The following FITM2 variants were observed in gnomAD, a reference collection of about 807,000 sequenced individuals.
FITM2 encodes the protein fat storage inducing transmembrane protein 2.
Under a neutral mutation model 23.3 loss-of-function variants are expected in FITM2, and 16 were observed. The observed-to-expected ratio is 0.69, with a 90% CI of 0.47 to 1.05. FITM2 has a LOEUF of 1.05. FITM2 is among the 50% of genes least tolerant of loss of function. The probability of loss-of-function intolerance (pLI) is 0.00; values close to 1 mark genes in which losing one functional copy is unlikely to be tolerated. For missense variants in FITM2, 273 were observed against 327.5 expected (o/e 0.83, Z 1.29); for synonymous variants, 132 against 142.0 (o/e 0.93, Z 0.50).
At chr20:44,308,787 C>A (rs2062697337) in intron 1 of FITM2, among the ~76,000 whole-genome samples, 1 of 152,130 alleles carries the variant, frequency 6.6e-6, no homozygotes, top group Non-Finnish European at 1.5e-5. Flanking sequence ...AAGCAATTAT[C>A]CTGCCTCAGC....
At chr20:44,307,470 G>A (rs2062693929) in intron 1 of FITM2, among the ~76,000 whole-genome samples, 1 of 151,692 alleles carries the variant, frequency 6.6e-6, no homozygotes, top group African/African-American at 2.4e-5. Flanking sequence ...CTGTCACTCG[G>A]GCTGGAGTGC....
chr20:44,309,967 A>G (rs2062700521), intron 1 of FITM2, among the ~76,000 whole-genome samples: 1 of 152,220 alleles, frequency 6.6e-6, no homozygotes, highest in Admixed American at 6.5e-5. Context: ...GACCAAGGAC[A>G]GAAGGACTTT....
In FITM2 at chr20:44,306,394, C is replaced by T; in HGVS notation, c.*231G>A. 1 of 485,494 alleles carries T rather than the reference C, an allele frequency of 2.1e-6. No individual in the cohort carries two copies. Among genetic ancestry groups the T allele is most frequent in the South Asian group, 2.1e-5 (1 of 47,288 alleles). The allele number at this position is 485,494 out of a possible 1,614,324, so 30.1% of individuals were successfully genotyped here. ...TGTTCCAGATAAAGGTCAAGTCTTA[C>T]CAGGGACAAAAAGTGCCTAACTGGG... On this transcript the variant is annotated 3_prime_UTR_variant, in exon 2 of 2. Coordinates refer to ENST00000396825, the MANE Select transcript of FITM2 (RefSeq NM_001080472.4).
In FITM2 at chr20:44,306,571, T is replaced by C; in HGVS notation, c.*54A>G. On this transcript the variant is annotated 3_prime_UTR_variant, in exon 2 of 2. Transcript: ENST00000396825. ...TTTAGCCAAATAACTAAGCAAAATATATATTTGAAAAATAGATTAGCCATT... is the reference window on the plus strand; with the variant it reads ...TTTAGCCAAATAACTAAGCAAAATACATATTTGAAAAATAGATTAGCCATT... The C allele has an allele frequency of 6.3e-7, 1 of 1,576,500 alleles. No individual in the cohort carries two copies. The highest frequency in any genetic ancestry group is 1.8e-4 in the Middle Eastern group (1 of 5,686).
At chr20:44,310,730 G>A (rs1483974728) in intron 1 of FITM2, among the ~76,000 whole-genome samples, 1 of 152,146 alleles carries the variant, frequency 6.6e-6, no homozygotes, top group Non-Finnish European at 1.5e-5. Context: ...ACACGACCCC[G>A]CTTGTCACCA....
intron 1 of FITM2, among the ~76,000 whole-genome samples, chr20:44,310,583 G>C (rs77781615): frequency 0.031 from 4,773 of 152,262 alleles, 235 homozygotes; most frequent in African/African-American, 0.11. Context: ...TCTGCCACAG[G>C]CAGGCAGGAC....
chr20:44,303,558 T>C lies in FITM2; in HGVS notation c.*3067A>G, dbSNP rs1278374520. 1 of 152,148 alleles carries C rather than the reference T, an allele frequency of 6.6e-6. No individual in the cohort carries two copies. Among genetic ancestry groups the C allele is most frequent in the Non-Finnish European group, 1.5e-5 (1 of 68,028 alleles). The allele number at this position is 152,148 out of a possible 1,614,324, so 9.4% of individuals were successfully genotyped here. On this transcript the variant is annotated 3_prime_UTR_variant, in exon 2 of 2. Transcript: ENST00000396825. ...TGGGATAAATATCTGGAGATTTAAG[T>C]GTCACAAATGAACTTCTGGGGTCAC...
Position 44,306,366 on chromosome 20 carries a change from G to C in FITM2, c.*259C>G. 2.4e-6 allele frequency: 1 copy of C among 416,884 alleles called. No homozygotes were observed. Among genetic ancestry groups the C allele is most frequent in the Non-Finnish European group, 4.5e-6 (1 of 224,580 alleles). The allele number at this position is 416,884 out of a possible 1,614,324, so 25.8% of individuals were successfully genotyped here. On this transcript the variant is annotated 3_prime_UTR_variant, in exon 2 of 2. Coordinates refer to ENST00000396825, the MANE Select transcript of FITM2 (RefSeq NM_001080472.4). ...TAGGTCCCCACTCTAGGGACAAAAG[G>C]AGTGTTCCAGATAAAGGTCAAGTCT...
In FITM2 at chr20:44,311,150, C is replaced by G. The variant is rs140366349; in HGVS notation, c.-2G>C. 6.2e-7 allele frequency: 1 copy of G among 1,610,294 alleles called. No individual in the cohort carries two copies. ...CTCGCAGCGCTCCAGATGCTCCATGCCGGATCTCGTCAGCCACCGTCCTCC... is the reference window on the plus strand; with the variant it reads ...CTCGCAGCGCTCCAGATGCTCCATGGCGGATCTCGTCAGCCACCGTCCTCC... On this transcript the variant is annotated 5_prime_UTR_variant, in exon 1 of 2. Transcript: ENST00000396825.
Position 44,311,053 on chromosome 20 carries a change from C to T in FITM2, c.96G>A (p.Met32Ile), listed in dbSNP as rs148377517. 20,974 of 1,606,704 alleles carry T rather than the reference C, an allele frequency of 0.013. 183 individuals carry two copies. The highest frequency in any genetic ancestry group is 0.019 in the Middle Eastern group (116 of 6,012). ...RYLPWALVAS[M>I]LAGSLLKELS... ...ACTCCTTGAGGAGGGAGCCCGCCAG[C>T]ATGGAGGCCACCAGGGCCCAGGGCA... The change falls in exon 1 of 2, where the codon ATG (methionine) becomes ATA (isoleucine). Residue 32 changes from methionine to isoleucine, a missense_variant. This residue lies in a region of FITM2 where 123 missense variants were observed against 117.9 expected (regional missense o/e 1.04). Coordinates refer to ENST00000396825, the MANE Select transcript of FITM2 (RefSeq NM_001080472.4).
rs751486880 is a variant in FITM2 at position 44,306,611 on chromosome 20, C to G, written c.*14G>C. On this transcript the variant is annotated 3_prime_UTR_variant, in exon 2 of 2. Transcript: ENST00000396825. ...GATTAGCCATTGTCCTTCTGTCCCC[C>G]CTCTGTTACTCTTTTATTTCTTGTA... 5.6e-6 allele frequency: 9 copies of G among 1,608,414 alleles called. No individual in the cohort carries two copies. Among genetic ancestry groups the G allele is most frequent in the East Asian group, 2.2e-5 (1 of 44,754 alleles).
Position 44,307,259 on chromosome 20 carries a change from G to A in FITM2, c.174-19C>T, listed in dbSNP as rs1363484978. 6.2e-7 allele frequency: 1 copy of A among 1,611,054 alleles called. No individual in the cohort carries two copies. ...AAAATACCTGACAGAGGAGGAAAGT[G>A]GAAGTGAAGAGAGGGAACACGGTGG... On this transcript the variant is annotated intron_variant, in intron 1 of 1. Transcript: ENST00000396825.
chr20:44,306,535 A>G lies in FITM2; in HGVS notation c.*90T>C. On this transcript the variant is annotated 3_prime_UTR_variant, in exon 2 of 2. Coordinates refer to ENST00000396825, the MANE Select transcript of FITM2 (RefSeq NM_001080472.4). ...GCCTGGTACACTTTCCCTCTGAAGT[A>G]GGATCAATAATTTAGCCAAATAACT... 1 of 1,521,330 alleles carries G rather than the reference A, an allele frequency of 6.6e-7. No homozygotes were observed. The highest frequency in any genetic ancestry group is 8.8e-7 in the Non-Finnish European group (1 of 1,134,570). The allele number at this position is 1,521,330 out of a possible 1,614,324, so 94.2% of individuals were successfully genotyped here.
rs1485995864 is a variant in FITM2 at position 44,304,342 on chromosome 20, G to A, written c.*2283C>T. The A allele has an allele frequency of 6.6e-6, 1 of 152,194 alleles. No homozygotes were observed. The highest frequency in any genetic ancestry group is 1.5e-5 in the Non-Finnish European group (1 of 68,068). The allele number at this position is 152,194 out of a possible 1,614,324, so 9.4% of individuals were successfully genotyped here. ...GGGCTCAGTTTGAAAGGCTTAAGGAGACAGTCTGGGAGAGAAGAGGGGATA... is the reference window on the plus strand; with the variant it reads ...GGGCTCAGTTTGAAAGGCTTAAGGAAACAGTCTGGGAGAGAAGAGGGGATA... On this transcript the variant is annotated 3_prime_UTR_variant, in exon 2 of 2. Coordinates refer to ENST00000396825, the MANE Select transcript of FITM2 (RefSeq NM_001080472.4).
In FITM2 at chr20:44,306,377, A is replaced by G; in HGVS notation, c.*248T>C. 1 of 440,124 alleles carries G rather than the reference A, an allele frequency of 2.3e-6. No homozygotes were observed. The allele number at this position is 440,124 out of a possible 1,614,324, so 27.3% of individuals were successfully genotyped here. ...TCTAGGGACAAAAGGAGTGTTCCAGATAAAGGTCAAGTCTTACCAGGGACA... is the reference window on the plus strand; with the variant it reads ...TCTAGGGACAAAAGGAGTGTTCCAGGTAAAGGTCAAGTCTTACCAGGGACA... On this transcript the variant is annotated 3_prime_UTR_variant, in exon 2 of 2. Transcript: ENST00000396825.
At chr20:44,309,421 C>T (rs1461208207) in intron 1 of FITM2, among the ~76,000 whole-genome samples, 1 of 152,158 alleles carries the variant, frequency 6.6e-6, no homozygotes, top group Non-Finnish European at 1.5e-5. Flanking sequence ...CTCAAGTGAT[C>T]CACCTGCCTT....
chr20:44,307,175 T>C lies in FITM2; in HGVS notation c.239A>G (p.Asn80Ser), dbSNP rs1377051965. The C allele has an allele frequency of 1.2e-6, 2 of 1,614,064 alleles. No individual in the cohort carries two copies. The highest frequency in any genetic ancestry group is 1.7e-6 in the Non-Finnish European group (2 of 1,180,014). The change falls in exon 2 of 2, where the codon AAC becomes AGC. Residue 80 changes from asparagine (N) to serine (S), a missense_variant. Asn to Ser is a conservative substitution (Grantham distance 46, BLOSUM62 1). This residue lies in a region of FITM2 where 123 missense variants were observed against 117.9 expected (regional missense o/e 1.04). Transcript: ENST00000396825. ...GCCAGCCTTGCCGGTCAGATGGTAG[T>C]TGGTGAGGGCAATGAAAGGCAGAAG... ...CLLLPFIALTNYHLTGKAGLV... is the reference protein window; with the variant it reads ...CLLLPFIALTSYHLTGKAGLV...
rs527729916 is a variant in FITM2, at chr20:44,305,367, A to C, written c.*1258T>G. ...CATGGACAGAAAATGATCATAGTCC[A>C]TTACGTATGAATCATCCAATACTTG... is the stretch of plus-strand genomic sequence containing the variant. On this transcript the variant is annotated 3_prime_UTR_variant, in exon 2 of 2. Coordinates refer to ENST00000396825, the MANE Select transcript of FITM2 (RefSeq NM_001080472.4). 3.3e-5 allele frequency: 5 copies of C among 152,372 alleles called. No homozygotes were observed. The highest frequency in any genetic ancestry group is 1.2e-4 in the African/African-American group (5 of 41,594). 9.4% of individuals were successfully genotyped at this position (152,372 alleles called of 1,614,324 possible). A position where few individuals can be genotyped will look rare whatever the true frequency, so the allele number is the denominator to read the frequency against.
chr20:44,306,748 G>A lies in FITM2; in HGVS notation c.666C>T (p.Gly222=), dbSNP rs1467111775. The A allele has an allele frequency of 6.2e-7, 1 of 1,614,034 alleles. No homozygotes were observed. Among genetic ancestry groups the A allele is most frequent in the Non-Finnish European group, 8.5e-7 (1 of 1,180,044 alleles). Residue 222 remains glycine (G), a synonymous_variant, in exon 2 of 2, where the codon GGC becomes GGT. Transcript: ENST00000396825. ...YFHNLSQKVF[G]TLFGLLSWYG... is the part of the protein sequence containing the mutation. Reference sequence around the variant, plus strand: ...ACCAGCTCAGCAAACCAAACAAGGTGCCAAACACCTTCTGGGACAAGTTGT... The same window carrying A: ...ACCAGCTCAGCAAACCAAACAAGGTACCAAACACCTTCTGGGACAAGTTGT...
Sources: allele counts gnomAD v4.1 joint callset (sites outside exome capture counted in the v4.1 genomes callset), GRCh38; gene constraint gnomAD v4.1.1; regional missense constraint gnomAD v4.1.1; transcripts MANE v1.5; gene names NCBI Gene and HGNC (gene_info 2026-07-23, HGNC 2026-07-21).